The following DPP6 variants were observed in gnomAD, a reference collection of about 807,000 sequenced individuals.
DPP6 encodes the protein A-type potassium channel modulatory protein DPP6.
A neutral mutation model predicts 122.6 loss-of-function variants in DPP6; 69 were observed. The observed-to-expected ratio is 0.56, with a 90% confidence interval of 0.46 to 0.69. The LOEUF is 0.69. Among genes scored for constraint, DPP6 ranks in the 30% least tolerant of loss-of-function variants. The probability of loss-of-function intolerance (pLI) is 0.00; values close to 1 mark genes in which losing one functional copy is unlikely to be tolerated. For synonymous variants in DPP6, 418 were observed against 433.1 expected (o/e 0.97, Z 0.43); for missense variants, 928 against 1,116.9 (o/e 0.83, Z 2.41).
chr7:154,435,620 C>G, intron 1 of DPP6, among the ~76,000 whole-genome samples: 1 of 152,292 alleles, frequency 6.6e-6, no homozygotes, highest in East Asian at 1.9e-4. Flanking sequence ...TTGACGGACA[C>G]GTGTCAGCTG....
chr7:153,791,307 G>A, the DPP6 span, among the ~76,000 whole-genome samples: 86 of 120,246 alleles, frequency 7.2e-4, 1 homozygote, highest in South Asian at 0.014. Flanking sequence ...TAATCTTATC[G>A]ATAGATTTTT....
Position 154,698,920 on chromosome 7 carries a change from G to A in DPP6, c.763-28847G>A, listed in dbSNP as rs111351423. On this transcript the variant is annotated intron_variant, in intron 7 of 25. Coordinates refer to ENST00000377770, the MANE Select transcript of DPP6 (RefSeq NM_130797.4). ...TGAGCAGCAGTGAGCTGAGGAAGAC[G>A]AAGAGCCAGAGGACTCCAAAACCTG... Among the ~76,000 whole-genome samples, 380 of 152,300 alleles carry A rather than the reference G, an allele frequency of 2.5e-3. 2 individuals are homozygous for A. Among genetic ancestry groups the A allele is most frequent in the Middle Eastern group, 0.01 (3 of 294 alleles).
At chr7:154,365,728 C>T (rs1371305389) in intron 1 of DPP6, among the ~76,000 whole-genome samples, 2 of 151,620 alleles carry the variant, frequency 1.3e-5, no homozygotes, top group African/African-American at 2.4e-5. Flanking sequence ...CCGAGGCGGG[C>T]GGATCACAAG....
the DPP6 span, among the ~76,000 whole-genome samples, chr7:153,766,737 G>A: frequency 6.6e-5 from 10 of 151,856 alleles, no homozygotes; most frequent in African/African-American, 1.9e-4. Flanking sequence ...AGGCAACCTC[G>A]CTAGAATCAA....
intron 1 of DPP6, among the ~76,000 whole-genome samples, chr7:153,934,340 C>CTT (rs541968522): frequency 1.0e-4 from 15 of 149,228 alleles, no homozygotes; most frequent in African/African-American, 2.4e-4. Context: ...GCCCCTTCTC[C>CTT]TTTTTTTTTT....
intron 1 of DPP6, among the ~76,000 whole-genome samples, chr7:154,281,453 C>T (rs1349632734): frequency 4.6e-5 from 7 of 152,136 alleles, no homozygotes; most frequent in Middle Eastern, 3.2e-3. Flanking sequence ...TGATAAGTCC[C>T]ACGCCTCTGT....
At chr7:154,778,561 C>G (rs1193000188) in intron 10 of DPP6, among the ~76,000 whole-genome samples, 1 of 151,296 alleles carries the variant, frequency 6.6e-6, no homozygotes, top group Non-Finnish European at 1.5e-5. Context: ...GAGCACCCCC[C>G]CCCAAAAAAA....
the DPP6 span, among the ~76,000 whole-genome samples, chr7:153,853,046 C>A: frequency 6.6e-6 from 1 of 152,104 alleles, no homozygotes; most frequent in East Asian, 1.9e-4. Context: ...TGCATAACAC[C>A]CAGGCTAATT....
chr7:154,167,750 A>G (rs2150721605), intron 1 of DPP6, among the ~76,000 whole-genome samples: 1 of 152,336 alleles, frequency 6.6e-6, no homozygotes, highest in East Asian at 1.9e-4. Context: ...CCATTAATTT[A>G]GTGACTTTGT....
At chr7:154,671,866 A>ACACACACATGTG (rs1554431523) in intron 7 of DPP6, among the ~76,000 whole-genome samples, 1 of 118,110 alleles carries the variant, frequency 8.5e-6, no homozygotes. Flanking sequence ...ACACACATGC[A>ACACACACATGTG]CACACACACA....
At chr7:154,276,455 G>T (rs956687289) in intron 1 of DPP6, among the ~76,000 whole-genome samples, 9 of 152,174 alleles carry the variant, frequency 5.9e-5, no homozygotes, top group Admixed American at 2.6e-4. Context: ...CATTGATAAG[G>T]TCAATAATTC....
Position 153,921,222 on chromosome 7 carries a change from G to C in DPP6, c.51+33488G>C, listed in dbSNP as rs547993062. ...CCAGAGGGAAGAAGACACAGAGCAG[G>C]GTACCCTTGGTGGATGCTCGGCAAG... On this transcript the variant is annotated intron_variant, in intron 1 of 25. Coordinates refer to the DPP6 transcript ENST00000404039. Among the ~76,000 whole-genome samples, 538 of 152,312 alleles carry C rather than the reference G, an allele frequency of 3.5e-3. 4 individuals are homozygous for C. The highest frequency in any genetic ancestry group is 0.012 in the African/African-American group (500 of 41,578).
In DPP6 at chr7:154,872,632, A is replaced by G; in HGVS notation, c.1822A>G (p.Met608Val). The G allele has an allele frequency of 6.2e-7, 1 of 1,601,296 alleles. No individual in the cohort carries two copies. The highest frequency in any genetic ancestry group is 8.5e-7 in the Non-Finnish European group (1 of 1,174,186). The part of the protein sequence containing the change: ...DIEIDDYNLP[M>V]QILKPATFTD... ...GCTCTGCTTCTCCCCAGACCTGCCC[A>G]TGCAGATACTGAAGCCAGCAACCTT... Residue 608 changes from methionine (M) to valine (V), a missense_variant, in exon 19 of 26, where the codon ATG (methionine) becomes GTG (valine). Physicochemically the swap from Met to Val is conservative, Grantham distance 21. Coordinates refer to ENST00000377770, the MANE Select transcript of DPP6 (RefSeq NM_130797.4).
At chr7:154,093,069 C>T (rs1264443627) in intron 1 of DPP6, among the ~76,000 whole-genome samples, 1 of 151,754 alleles carries the variant, frequency 6.6e-6, no homozygotes, top group African/African-American at 2.4e-5. Context: ...ACACCACACA[C>T]ACATATCACA....
chr7:154,305,615 T>C, intron 1 of DPP6: 4 of 1,541,606 alleles, frequency 2.6e-6, no homozygotes, highest in East Asian at 2.4e-5. Flanking sequence ...TGCATATGTG[T>C]GTGCATGAGA....
the DPP6 span, among the ~76,000 whole-genome samples, chr7:153,873,325 G>A: frequency 3.9e-5 from 6 of 152,196 alleles, no homozygotes; most frequent in Admixed American, 6.5e-5. Flanking sequence ...TGCAACATGA[G>A]ATTTGGAGGG....
Position 154,577,328 on chromosome 7 carries a change from G to A in DPP6, c.627+10412G>A, listed in dbSNP as rs1831749815. 3.3e-5 allele frequency among the ~76,000 whole-genome samples: 5 copies of A among 152,298 alleles called. 1 individual carries two copies. In the South Asian group the frequency reaches 1.0e-3, roughly 32 times the overall value. On this transcript the variant is annotated intron_variant, in intron 5 of 25. Transcript: ENST00000377770. ...AGAGAGGAAGCCGAGACCCCTGAGA[G>A]CCAGGCCTGTGCAGGTGGGAGCTGG...
At chr7:153,931,726 A>G (rs979637206) in intron 1 of DPP6, among the ~76,000 whole-genome samples, 17 of 152,212 alleles carry the variant, frequency 1.1e-4, no homozygotes, top group African/African-American at 3.6e-4. Context: ...TTGAATTCTA[A>G]TGTGTTTATC....
At position 154,877,580 on chromosome 7, in the gene DPP6, G is replaced by A. The variant is rs965560864; in HGVS notation, c.2078+1480G>A. Among the ~76,000 whole-genome samples, 2 of 152,156 alleles carry A rather than the reference G, an allele frequency of 1.3e-5. No individual in the cohort carries two copies. Among genetic ancestry groups the A allele is most frequent in the South Asian group, 2.1e-4 (1 of 4,828 alleles). On this transcript the variant is annotated intron_variant, in intron 20 of 25. Transcript: ENST00000377770. The surrounding 1 kb of genome is among the most constrained non-coding windows in gnomAD (Gnocchi z 5.2). ...AGCCATGATGGTCTCATCCTAAGCCGAGCCCTCAGTCACGGGGTGGCCCTC... is the reference window on the plus strand; with the variant it reads ...AGCCATGATGGTCTCATCCTAAGCCAAGCCCTCAGTCACGGGGTGGCCCTC...
Sources: allele counts gnomAD v4.1 joint callset (sites outside exome capture counted in the v4.1 genomes callset), GRCh38; gene constraint gnomAD v4.1.1; non-coding constraint Gnocchi (gnomAD v3.1); transcripts MANE v1.5; gene names NCBI Gene and HGNC (gene_info 2026-07-23, HGNC 2026-07-21).